The following SKAP2 variants were observed in gnomAD, a reference collection of about 807,000 sequenced individuals.
The protein encoded by SKAP2 is src kinase-associated phosphoprotein 2.
SKAP2 carries 28 observed loss-of-function variants against 54.9 expected under a neutral mutation model. The ratio of observed to expected loss-of-function variants is 0.51; its 90% confidence interval spans 0.38 to 0.70. SKAP2 has a LOEUF of 0.70. Ranked by LOEUF, SKAP2 falls within the 30% of genes least tolerant of loss-of-function variation. The probability of loss-of-function intolerance (pLI) is 0.00; values close to 1 mark genes in which losing one functional copy is unlikely to be tolerated. For missense variants in SKAP2, 356 were observed against 424.1 expected, an observed-to-expected ratio of 0.84 and a Z score of 1.41; for synonymous variants, 137 against 134.3, an observed-to-expected ratio of 1.02 and a Z score of -0.14.
intron 4 of SKAP2, among the ~76,000 whole-genome samples, chr7:26,837,576 G>C (rs1160662852): frequency 6.6e-6 from 1 of 152,076 alleles, no homozygotes; most frequent in Non-Finnish European, 1.5e-5. Context: ...AAGATAGCAC[G>C]AGGCCATGAG....
intron 4 of SKAP2, among the ~76,000 whole-genome samples, chr7:26,811,206 A>G (rs1784137541): frequency 6.6e-6 from 1 of 152,076 alleles, no homozygotes; most frequent in African/African-American, 2.4e-5. Flanking sequence ...CTAAATTTCT[A>G]CCTCAGCTCC....
At chr7:26,713,744 T>A (rs1269233186) in intron 9 of SKAP2, among the ~76,000 whole-genome samples, 2 of 151,762 alleles carry the variant, frequency 1.3e-5, no homozygotes, top group African/African-American at 4.8e-5. Flanking sequence ...GGACTACAGG[T>A]GCCCGCCACC....
intron 1 of SKAP2, among the ~76,000 whole-genome samples, chr7:26,862,170 G>T (rs906658700): frequency 6.6e-6 from 1 of 151,982 alleles, no homozygotes; most frequent in African/African-American, 2.4e-5. Context: ...CTTGAATTAT[G>T]AAAAGAATCA....
chr7:26,686,804 GC>G (rs2127938202), intron 10 of SKAP2, among the ~76,000 whole-genome samples: 1 of 152,214 alleles, frequency 6.6e-6, no homozygotes, highest in South Asian at 2.1e-4. Flanking sequence ...CACATGCAAG[GC>G]CTTCCCCCAC....
the SKAP2 span, among the ~76,000 whole-genome samples, chr7:26,658,525 T>G: frequency 1.3e-5 from 2 of 152,166 alleles, no homozygotes; most frequent in African/African-American, 4.8e-5. Flanking sequence ...TTTCAGATTT[T>G]TTTTTTAATG....
chr7:26,845,136 A>T (rs983904479), intron 3 of SKAP2, among the ~76,000 whole-genome samples: 1 of 152,168 alleles, frequency 6.6e-6, no homozygotes, highest in Non-Finnish European at 1.5e-5. Context: ...ATTACCCTTA[A>T]AGCACAAGGA....
At chr7:26,720,091 CACAT>C (rs1421285280) in intron 9 of SKAP2, among the ~76,000 whole-genome samples, 282 of 148,812 alleles carry the variant, frequency 1.9e-3, no homozygotes, top group African/African-American at 6.6e-3. Context: ...CACACACACA[CACAT>C]CCCAGTTATG....
intron 4 of SKAP2, among the ~76,000 whole-genome samples, chr7:26,746,342 C>T (rs938348898): frequency 6.6e-6 from 1 of 152,062 alleles, no homozygotes; most frequent in Non-Finnish European, 1.5e-5. Context: ...GTAATAGATA[C>T]AAAGATGCAG....
At chr7:26,840,733 AT>A (rs1176687751) in intron 4 of SKAP2, among the ~76,000 whole-genome samples, 2 of 152,096 alleles carry the variant, frequency 1.3e-5, no homozygotes, top group African/African-American at 4.8e-5. Context: ...CATAAAGCTA[AT>A]AAAATGAAAC....
chr7:26,831,132 G>C lies in SKAP2; in HGVS notation c.307+12898C>G, dbSNP rs112502400. On this transcript the variant is annotated intron_variant, in intron 4 of 12. Transcript: ENST00000345317. ...CAAACTCATTCAAATGTTCTTAAAA[G>C]TTTGTAAATTTTTAGTCACTAGCTA... Among the ~76,000 whole-genome samples the C allele has an allele frequency of 2.7e-3, 409 of 152,138 alleles. 4 individuals are homozygous for C. Among genetic ancestry groups the C allele is most frequent in the African/African-American group, 9.4e-3 (390 of 41,518 alleles).
At chr7:26,818,445 G>T (rs973995191) in intron 4 of SKAP2, among the ~76,000 whole-genome samples, 3 of 152,106 alleles carry the variant, frequency 2.0e-5, no homozygotes, top group African/African-American at 7.2e-5. Flanking sequence ...ACTCAAGGTG[G>T]ATTAAAGACT....
At chr7:26,694,864 A>G (rs1404276262) in intron 9 of SKAP2, among the ~76,000 whole-genome samples, 1 of 152,140 alleles carries the variant, frequency 6.6e-6, no homozygotes, top group Non-Finnish European at 1.5e-5. Context: ...ATCCAGTTCC[A>G]TAACAGATGG....
chr7:26,719,106 T>G (rs920148499), intron 9 of SKAP2, among the ~76,000 whole-genome samples: 1 of 152,002 alleles, frequency 6.6e-6, no homozygotes, highest in Non-Finnish European at 1.5e-5. Flanking sequence ...CTTGAGGAGT[T>G]TGAAGCTGCA....
At chr7:26,813,845 T>C (rs1381838547) in intron 4 of SKAP2, among the ~76,000 whole-genome samples, 1 of 152,216 alleles carries the variant, frequency 6.6e-6, no homozygotes, top group Non-Finnish European at 1.5e-5. Context: ...AAATATTTTC[T>C]TTCTATGTAA....
At chr7:26,822,186 T>C (rs1562624137) in intron 4 of SKAP2, among the ~76,000 whole-genome samples, 1 of 152,186 alleles carries the variant, frequency 6.6e-6, no homozygotes, top group East Asian at 1.9e-4. Context: ...ACATACCTCA[T>C]ATTACTGTGC....
chr7:26,794,313 A>G (rs944007633), intron 4 of SKAP2, among the ~76,000 whole-genome samples: 5 of 152,258 alleles, frequency 3.3e-5, no homozygotes, highest in African/African-American at 1.2e-4. Context: ...CAATAACTTA[A>G]GCATGCCCTG....
intron 6 of SKAP2, among the ~76,000 whole-genome samples, chr7:26,731,365 C>T (rs1034337536): frequency 6.6e-6 from 1 of 152,082 alleles, no homozygotes; most frequent in South Asian, 2.1e-4. Flanking sequence ...TTTTGCATTT[C>T]GTCCTACAAC....
chr7:26,756,502 T>A (rs1782796218), intron 4 of SKAP2, among the ~76,000 whole-genome samples: 1 of 152,248 alleles, frequency 6.6e-6, no homozygotes, highest in South Asian at 2.1e-4. Context: ...ACAAAGGACA[T>A]GAACTCATCC....
intron 9 of SKAP2, among the ~76,000 whole-genome samples, chr7:26,703,107 T>C (rs57674154): frequency 8.9e-4 from 135 of 152,354 alleles, no homozygotes; most frequent in African/African-American, 2.9e-3. Context: ...TTGAGAACCA[T>C]GGCTCAGAGC....
Sources: allele counts gnomAD v4.1 joint callset (sites outside exome capture counted in the v4.1 genomes callset), GRCh38; gene constraint gnomAD v4.1.1; transcripts MANE v1.5; gene names NCBI Gene and HGNC (gene_info 2026-07-23, HGNC 2026-07-21).